The following TUBGCP3 variants were observed in gnomAD, a reference collection of about 807,000 sequenced individuals.
TUBGCP3 encodes the protein tubulin gamma complex component 3.
TUBGCP3 carries 50 observed loss-of-function variants against 123.1 expected under a neutral mutation model. The observed-to-expected ratio is 0.41, with a 90% CI of 0.32 to 0.51. TUBGCP3 has a LOEUF of 0.51. TUBGCP3 is among the 20% of genes least tolerant of loss of function. The pLI is 0.36. For missense variants in TUBGCP3, 882 were observed against 1,127.0 expected (o/e 0.78, Z 3.11); for synonymous variants, 405 against 413.9 (o/e 0.98, Z 0.26).
chr13:112,602,354 G>A, the TUBGCP3 span, among the ~76,000 whole-genome samples: 2 of 152,050 alleles, frequency 1.3e-5, no homozygotes, highest in Admixed American at 6.6e-5. Flanking sequence ...TGAACAAAGC[G>A]CTTCACCCAG....
At chr13:112,488,740 T>C (rs111382256) in intron 21 of TUBGCP3, among the ~76,000 whole-genome samples, 33 of 82,774 alleles carry the variant, frequency 4.0e-4, no homozygotes, top group Admixed American at 1.3e-3. Flanking sequence ...CCCCCAGGTC[T>C]CCACACCCAC....
chr13:112,590,159 G>A (rs1214371930), upstream of TUBGCP3, among the ~76,000 whole-genome samples: 1 of 152,016 alleles, frequency 6.6e-6, no homozygotes, highest in Non-Finnish European at 1.5e-5. Context: ...TGTATTTTTA[G>A]TAGAGACGGG....
In TUBGCP3 at chr13:112,519,500, A is replaced by G. The variant is rs1876433943; in HGVS notation, c.1881+386T>C. On this transcript the variant is annotated intron_variant, in intron 15 of 21. Transcript: ENST00000261965. The surrounding 1 kb of genome is among the most constrained non-coding windows in gnomAD (Gnocchi z 6.2). ...TACCAAACTGCAACTAAAAGCATCC[A>G]TTTTCTGATAAATACCATCGTACAC... Among the ~76,000 whole-genome samples the G allele has an allele frequency of 6.6e-6, 1 of 152,134 alleles. No individual in the cohort carries two copies. The highest frequency in any genetic ancestry group is 2.1e-4 in the South Asian group (1 of 4,826).
At chr13:112,489,211 C>A (rs1395760563) in intron 21 of TUBGCP3, among the ~76,000 whole-genome samples, 1 of 152,038 alleles carries the variant, frequency 6.6e-6, no homozygotes, top group Non-Finnish European at 1.5e-5. Context: ...GTCCCCACAC[C>A]CACCACAGGG....
chr13:112,578,558 CAAAAAAAAAAAAAA>C lies in TUBGCP3; in HGVS notation c.77-9313_77-9300del, dbSNP rs71131496. Among the ~76,000 whole-genome samples the C allele has an allele frequency of 3.6e-4, 9 of 24,914 alleles. 1 individual carries two copies. Among genetic ancestry groups the C allele is most frequent in the African/African-American group, 1.3e-3 (9 of 6,752 alleles). The allele number at this position is 24,914 out of a possible 152,430, so 16.3% of individuals were successfully genotyped here. A position where few individuals can be genotyped will look rare whatever the true frequency, so the allele number is the denominator to read the frequency against. ...TGGGCGAAAGAGTGAGACTCCGTCT[CAAAAAAAAAAAAAA>C]AAAAAAAAAAAAAAGAACCTGCTCT... On this transcript the variant is annotated intron_variant, in intron 1 of 21. Coordinates refer to ENST00000261965, the MANE Select transcript of TUBGCP3 (RefSeq NM_006322.6).
the TUBGCP3 span, chr13:112,605,620 G>C: frequency 6.6e-6 from 1 of 152,306 alleles, no homozygotes; most frequent in African/African-American, 2.4e-5. Context: ...TCGACCGTCA[G>C]TGCGGCCACT....
At chr13:112,490,294 C>G (rs1879991483) in intron 20 of TUBGCP3, among the ~76,000 whole-genome samples, 1 of 152,228 alleles carries the variant, frequency 6.6e-6, no homozygotes, top group Non-Finnish European at 1.5e-5. Flanking sequence ...GAGTTTCGCT[C>G]TCCCATGCTG....
At position 112,508,937 on chromosome 13, in the gene TUBGCP3, G is replaced by A. The variant is rs1000353624; in HGVS notation, c.2087-4223C>T. On this transcript the variant is annotated intron_variant, in intron 17 of 21. Transcript: ENST00000261965. This position sits in a 1 kb window ranked among gnomAD's most constrained non-coding sequence, Gnocchi z 4.2. ...GGCTGCTGTAACCATAAAGGCCAAC[G>A]TCACCGCACACGGATTATTACAACT... Among the ~76,000 whole-genome samples the A allele has an allele frequency of 3.3e-5, 5 of 152,110 alleles. No individual in the cohort carries two copies. Among genetic ancestry groups the A allele is most frequent in the Non-Finnish European group, 7.4e-5 (5 of 68,024 alleles).
At chr13:112,540,916 A>G (rs907247813) in intron 11 of TUBGCP3, among the ~76,000 whole-genome samples, 13 of 152,252 alleles carry the variant, frequency 8.5e-5, no homozygotes, top group African/African-American at 2.9e-4. Context: ...GACATGCATT[A>G]TTTTATTTTT....
At chr13:112,507,650 C>T (rs1231407850) in intron 17 of TUBGCP3, among the ~76,000 whole-genome samples, 1 of 152,170 alleles carries the variant, frequency 6.6e-6, no homozygotes, top group Non-Finnish European at 1.5e-5. Flanking sequence ...TGCTCTGCTC[C>T]GCCTGCATTT....
chr13:112,540,657 T>G (rs1878450137), intron 11 of TUBGCP3, among the ~76,000 whole-genome samples: 1 of 149,812 alleles, frequency 6.7e-6, no homozygotes, highest in Non-Finnish European at 1.5e-5. Context: ...GTAGTAGCCC[T>G]ATGAGCATTC....
chr13:112,521,776 C>T lies in TUBGCP3; in HGVS notation c.1745+544G>A, dbSNP rs922292284. ...TGGGATGCTCATGCCCAGGCTCACG[C>T]TGCCTGGGCCGGGGTCTGCACTGTC... On this transcript the variant is annotated intron_variant, in intron 14 of 21. Transcript: ENST00000261965. The T allele has an allele frequency of 3.0e-6, 3 of 985,270 alleles. No homozygotes were observed. In the African/African-American group the frequency reaches 5.2e-5, roughly 17 times the overall value. The allele number at this position is 985,270 out of a possible 1,614,324, so 61.0% of individuals were successfully genotyped here. A position where few individuals can be genotyped will look rare whatever the true frequency, so the allele number is the denominator to read the frequency against.
At chr13:112,575,917 A>AG (rs1451050609) in intron 1 of TUBGCP3, among the ~76,000 whole-genome samples, 1 of 152,342 alleles carries the variant, frequency 6.6e-6, no homozygotes, top group East Asian at 1.9e-4. Context: ...CAGAGCCTCC[A>AG]GGGGTAGCCC....
chr13:112,512,837 C>G (rs897228561), intron 17 of TUBGCP3, among the ~76,000 whole-genome samples: 1 of 152,160 alleles, frequency 6.6e-6, no homozygotes, highest in East Asian at 1.9e-4. Context: ...TAAAAGCTGT[C>G]TAAACATTAA....
At chr13:112,561,976 G>T (rs530843473) in intron 3 of TUBGCP3, among the ~76,000 whole-genome samples, 5 of 152,304 alleles carry the variant, frequency 3.3e-5, no homozygotes, top group African/African-American at 1.2e-4. Context: ...TCAGTCTGCT[G>T]AAAACCATTT....
intron 21 of TUBGCP3, among the ~76,000 whole-genome samples, chr13:112,486,847 T>A (rs1246829362): frequency 6.6e-6 from 1 of 152,236 alleles, no homozygotes; most frequent in South Asian, 2.1e-4. Context: ...TTCACAGAAC[T>A]GCTGGCCTGG....
At chr13:112,516,358 C>A (rs919787308) in intron 17 of TUBGCP3, 82 bp downstream of exon 17, 2 of 1,393,658 alleles carry the variant, frequency 1.4e-6, no homozygotes, top group African/African-American at 1.5e-5. Flanking sequence ...TTAACTTCTG[C>A]GGAGTTGCTG....
At position 112,511,055 on chromosome 13, in the gene TUBGCP3, T is replaced by G. The variant is rs1881642397; in HGVS notation, c.2086+5385A>C. Reference sequence around the variant, plus strand: ...AAACACAGATAGATACACAAAGAAATTTTTAAAGAGAAAAACTTCAACTCA... The same window carrying G: ...AAACACAGATAGATACACAAAGAAAGTTTTAAAGAGAAAAACTTCAACTCA... On this transcript the variant is annotated intron_variant, in intron 17 of 21. Transcript: ENST00000261965. The surrounding 1 kb of genome is among the most constrained non-coding windows in gnomAD (Gnocchi z 4.1). Among the ~76,000 whole-genome samples the G allele has an allele frequency of 6.6e-6, 1 of 152,160 alleles. No individual in the cohort carries two copies. Among genetic ancestry groups the G allele is most frequent in the Admixed American group, 6.5e-5 (1 of 15,282 alleles).
chr13:112,587,924 C>T lies in TUBGCP3; in HGVS notation c.57G>A (p.Arg19=). 6.3e-7 allele frequency: 1 copy of T among 1,594,116 alleles called. No homozygotes were observed. Residue 19 remains arginine (R), a synonymous_variant, in exon 1 of 22, where the codon AGG becomes AGA. Coordinates refer to ENST00000261965, the MANE Select transcript of TUBGCP3 (RefSeq NM_006322.6). ...CTCTACCTTCGCTCCTGCCCAGGAT[C>T]CTGCAGCACAGGTTCTGCAGCAGAA... is the stretch of plus-strand genomic sequence containing the variant. ...PNVLLQNLCC[R]ILGRSEADVA... is the part of the protein sequence containing the mutation.
Sources: gnomAD v4.1 joint callset for allele counts (sites outside exome capture counted in the v4.1 genomes callset) on GRCh38, gnomAD v4.1.1 for gene constraint, Gnocchi (gnomAD v3.1) non-coding constraint, MANE v1.5 for transcripts, NCBI Gene and HGNC (gene_info 2026-07-23, HGNC 2026-07-21) for gene names.